The following CD83 variants were observed in gnomAD, a reference collection of about 807,000 sequenced individuals.
The protein encoded by CD83 is CD83 molecule.
CD83 carries 22 observed loss-of-function variants against 24.6 expected under a neutral mutation model. That is an observed-to-expected ratio of 0.90 (90% confidence interval 0.64 to 1.28). The LOEUF is 1.28. Ranked by LOEUF, CD83 falls within the 50% of genes most tolerant of loss-of-function variation. The pLI, the probability that CD83 is intolerant of heterozygous loss-of-function variation, is 0.00. For missense variants in CD83, 253 were observed against 252.8 expected (o/e 1.00, Z -0.01); for synonymous variants, 101 against 103.5 (o/e 0.98, Z 0.14).
chr6:14,121,616 C>CAAAAAAA (rs57805122), intron 2 of CD83, among the ~76,000 whole-genome samples: 1 of 53,772 alleles, frequency 1.9e-5, no homozygotes, highest in Non-Finnish European at 3.2e-5. Context: ...CTGTCTCTAC[C>CAAAAAAA]AAAAAAAAAA....
At chr6:14,128,735 A>G (rs1759879931) in intron 2 of CD83, among the ~76,000 whole-genome samples, 1 of 152,134 alleles carries the variant, frequency 6.6e-6, no homozygotes, top group Admixed American at 6.5e-5. Flanking sequence ...TTCTCCCTTG[A>G]TTCTTCCTTC....
At chr6:14,117,643 G>A (rs1759560694), upstream of CD83, 1 of 381,066 alleles carries the variant, frequency 2.6e-6, no homozygotes. The surrounding 1 kb of genome is among the most constrained non-coding windows in gnomAD (Gnocchi z 4.6). Flanking sequence ...GGACGGGGGC[G>A]CCCCGGCCTA....
rs775524882 is a variant in CD83 at position 14,133,695 on chromosome 6, G to A, written c.429G>A (p.Ala143=). The A allele has an allele frequency of 1.7e-5, 28 of 1,613,774 alleles. 1 individual carries two copies. The South Asian group carries it at 2.3e-4, about 13-fold the overall frequency. Residue 143 remains alanine, a synonymous_variant, in exon 4 of 5, where the codon GCG becomes GCA. Transcript: ENST00000379153. ...AAGAGACTTTTAAGAAATACAGAGC[G>A]GAGATTGTCCTGCTGCTGGCTCTGG... is the stretch of plus-strand genomic sequence containing the variant. ...RKEETFKKYR[A]EIVLLLALVI... is the part of the protein sequence containing the mutation.
intron 2 of CD83, among the ~76,000 whole-genome samples, chr6:14,120,232 C>G (rs1017402715): frequency 6.6e-6 from 1 of 152,044 alleles, no homozygotes; most frequent in African/African-American, 2.4e-5. Flanking sequence ...ATATATTGTT[C>G]CTTTAAGCAT....
Position 14,129,603 on chromosome 6 carries a change from A to G in CD83, c.154-1917A>G, listed in dbSNP as rs1759899395. ...GAAGGAATCTTTCCACACAAAAAGG[A>G]CCATCAAGAAATGGGATTTATGTCC... On this transcript the variant is annotated intron_variant, in intron 2 of 4. Transcript: ENST00000379153. This position sits in a 1 kb window ranked among gnomAD's most constrained non-coding sequence, Gnocchi z 4.3. Among the ~76,000 whole-genome samples the G allele has an allele frequency of 6.6e-6, 1 of 152,116 alleles. No individual in the cohort carries two copies. The highest frequency in any genetic ancestry group is 2.4e-5 in the African/African-American group (1 of 41,402).
chr6:14,134,975 G>T (rs41271291), intron 4 of CD83, 133 bp from the exon 5 acceptor site: 10 of 783,152 alleles, frequency 1.3e-5, no homozygotes, highest in Non-Finnish European at 2.1e-5. Flanking sequence ...CTTGTGGAGC[G>T]AGTGAGGCAG....
At chr6:14,122,431 G>A (rs918038950) in intron 2 of CD83, among the ~76,000 whole-genome samples, 1 of 152,218 alleles carries the variant, frequency 6.6e-6, no homozygotes, top group Non-Finnish European at 1.5e-5. Flanking sequence ...GCCTAGAGTT[G>A]ATAAGCGGTT....
At chr6:14,123,123 G>T (rs1434121384) in intron 2 of CD83, among the ~76,000 whole-genome samples, 4 of 150,506 alleles carry the variant, frequency 2.7e-5, no homozygotes, top group Non-Finnish European at 4.4e-5. Flanking sequence ...TTGAGACAGA[G>T]TTTTGCTCTT....
intron 2 of CD83, among the ~76,000 whole-genome samples, chr6:14,119,443 A>G (rs1759620100): frequency 6.6e-6 from 1 of 152,184 alleles, no homozygotes; most frequent in African/African-American, 2.4e-5. Context: ...CAAGGTAAAT[A>G]TTTACATACA....
At chr6:14,118,698 A>G (rs1375941561) in intron 2 of CD83, among the ~76,000 whole-genome samples, 1 of 152,182 alleles carries the variant, frequency 6.6e-6, no homozygotes, top group East Asian at 1.9e-4. Context: ...CGCATGTGTA[A>G]GAACAGGCCT....
chr6:14,122,461 C>A (rs1561829222), intron 2 of CD83, among the ~76,000 whole-genome samples: 1 of 152,142 alleles, frequency 6.6e-6, no homozygotes, highest in Non-Finnish European at 1.5e-5. Context: ...GTAATCTGTA[C>A]AGCCAGAGAC....
intron 2 of CD83, among the ~76,000 whole-genome samples, chr6:14,120,733 T>C (rs759528686): frequency 3.3e-5 from 5 of 152,254 alleles, no homozygotes; most frequent in Non-Finnish European, 7.3e-5. Flanking sequence ...CGGCACCATG[T>C]AGCATCTTGC....
intron 2 of CD83, among the ~76,000 whole-genome samples, chr6:14,123,031 A>G (rs1759702356): frequency 6.6e-6 from 1 of 152,174 alleles, no homozygotes; most frequent in African/African-American, 2.4e-5. Flanking sequence ...CCCAGCAACA[A>G]TGACTTGACC....
Position 14,121,641 on chromosome 6 carries a change from A to AAT in CD83, c.153+3576_153+3577insAT, listed in dbSNP as rs1184946156. 2.8e-4 allele frequency among the ~76,000 whole-genome samples: 36 copies of AAT among 128,238 alleles called. 1 individual carries two copies. Among genetic ancestry groups the AAT allele is most frequent in the African/African-American group, 1.0e-3 (36 of 34,376 alleles). 84.1% of individuals were successfully genotyped at this position (128,238 alleles called of 152,430 possible). On this transcript the variant is annotated intron_variant, in intron 2 of 4. Transcript: ENST00000379153. ...CAAAAAAAAAAAAAAAAAAAAAAAA[A>AAT]GTTGTAATAGATGTGGTTCTTTGAG...
chr6:14,136,841 TAAAATG>T lies in CD83; in HGVS notation c.*1609_*1614del, dbSNP rs1758065180. On this transcript the variant is annotated 3_prime_UTR_variant, in exon 5 of 5. Transcript: ENST00000379153. The stretch of plus-strand genomic sequence containing the variant: ...AAACCTGCACTTATACCCATGAACT[TAAAATG>T]AAAGTTAAAAATAAAAAACATATAC... The T allele has an allele frequency of 6.6e-6, 1 of 152,088 alleles. No homozygotes were observed. Among genetic ancestry groups the T allele is most frequent in the Non-Finnish European group, 1.5e-5 (1 of 68,016 alleles). 9.4% of individuals were successfully genotyped at this position (152,088 alleles called of 1,614,324 possible). A position where few individuals can be genotyped will look rare whatever the true frequency, so the allele number is the denominator to read the frequency against.
At chr6:14,118,362 G>C (rs569302754) in intron 2 of CD83, among the ~76,000 whole-genome samples, 1 of 150,300 alleles carries the variant, frequency 6.7e-6, no homozygotes, top group African/African-American at 2.5e-5. Context: ...ACTCTCATTT[G>C]GATTAATTCT....
intron 2 of CD83, among the ~76,000 whole-genome samples, chr6:14,118,641 T>G (rs1274465398): frequency 6.6e-6 from 1 of 152,164 alleles, no homozygotes; most frequent in African/African-American, 2.4e-5. Flanking sequence ...TCCTCCTCCT[T>G]CCTCTGGCAG....
At chr6:14,118,292 C>T (rs1759590638) in intron 2 of CD83, among the ~76,000 whole-genome samples, 1 of 152,128 alleles carries the variant, frequency 6.6e-6, no homozygotes, top group Admixed American at 6.5e-5. Flanking sequence ...CAATCCCCTT[C>T]CTGTCACTGA....
chr6:14,131,836 G>C (rs953445689), intron 3 of CD83, 88 bp downstream of exon 3: 5 of 855,346 alleles, frequency 5.8e-6, no homozygotes, highest in Non-Finnish European at 9.7e-6. Flanking sequence ...CTTTTGGAGT[G>C]TAGCTCTAGA....
Sources: gnomAD v4.1 joint callset for allele counts (sites outside exome capture counted in the v4.1 genomes callset) on GRCh38, gnomAD v4.1.1 for gene constraint, Gnocchi (gnomAD v3.1) non-coding constraint, MANE v1.5 for transcripts, NCBI Gene and HGNC (gene_info 2026-07-23, HGNC 2026-07-21) for gene names.